The following QTMAN variants were observed in gnomAD, a reference collection of about 807,000 sequenced individuals.
QTMAN encodes queuosine-tRNA mannosyltransferase.
At chr2:144,312,459 C>T in the QTMAN span, among the ~76,000 whole-genome samples, 11 of 152,180 alleles carry the variant, frequency 7.2e-5, no homozygotes, top group South Asian at 4.1e-4. Context: ...ACCACTTGCA[C>T]GACAAAAAAA....
At chr2:144,267,376 T>C in the QTMAN span, among the ~76,000 whole-genome samples, 789 of 152,290 alleles carry the variant, frequency 5.2e-3, 10 homozygotes, top group African/African-American at 0.018. Context: ...AAAGTGCTCA[T>C]GTAGCTGAAA....
At chr2:144,021,482 C>T in the QTMAN span, among the ~76,000 whole-genome samples, 2 of 152,198 alleles carry the variant, frequency 1.3e-5, no homozygotes, top group South Asian at 4.2e-4. Flanking sequence ...GACACAGAAT[C>T]CAGGACATAG....
At chr2:144,208,652 T>C in the QTMAN span, 1 of 1,613,784 alleles carries the variant, frequency 6.2e-7, no homozygotes, top group Non-Finnish European at 8.5e-7. Context: ...AAAGCAGATG[T>C]CCGGGCTCTC....
the QTMAN span, among the ~76,000 whole-genome samples, chr2:143,953,869 TAC>T: frequency 1.2e-4 from 18 of 151,982 alleles, no homozygotes; most frequent in Non-Finnish European, 2.7e-4. Context: ...CTTGTTTATT[TAC>T]AGTGACGAAG....
the QTMAN span, among the ~76,000 whole-genome samples, chr2:143,962,136 T>G: frequency 6.6e-6 from 1 of 152,104 alleles, no homozygotes; most frequent in Non-Finnish European, 1.5e-5. Context: ...ATGGCCCTAT[T>G]ATGGCAGCCA....
At chr2:144,072,825 G>A in the QTMAN span, among the ~76,000 whole-genome samples, 14 of 152,310 alleles carry the variant, frequency 9.2e-5, no homozygotes, top group East Asian at 1.9e-3. Flanking sequence ...GTTTAAAAGA[G>A]TTAAAGACAA....
chr2:143,940,919 C>T, the QTMAN span: 1 of 152,256 alleles, frequency 6.6e-6, no homozygotes, highest in African/African-American at 2.4e-5. Context: ...CATTCCTCTC[C>T]TTATGGTCAT....
the QTMAN span, among the ~76,000 whole-genome samples, chr2:144,168,095 T>G: frequency 6.6e-6 from 1 of 152,144 alleles, no homozygotes; most frequent in Non-Finnish European, 1.5e-5. Context: ...AAAATGACAA[T>G]GGAGACTAAT....
the QTMAN span, among the ~76,000 whole-genome samples, chr2:144,137,774 T>C: frequency 6.6e-6 from 1 of 152,048 alleles, no homozygotes. Context: ...AGAGATCTCA[T>C]CCAGACCTGA....
the QTMAN span, among the ~76,000 whole-genome samples, chr2:144,252,365 C>G: frequency 6.6e-6 from 1 of 152,036 alleles, no homozygotes; most frequent in Non-Finnish European, 1.5e-5. Flanking sequence ...GGTGAAAGAG[C>G]AAGACCCTGT....
At chr2:144,006,523 A>G in the QTMAN span, 1 of 152,152 alleles carries the variant, frequency 6.6e-6, no homozygotes, top group Non-Finnish European at 1.5e-5. Flanking sequence ...GTTCATGCCT[A>G]ATACCAGAAG....
At chr2:144,111,707 C>T in the QTMAN span, among the ~76,000 whole-genome samples, 3 of 152,280 alleles carry the variant, frequency 2.0e-5, no homozygotes, top group South Asian at 6.2e-4. Flanking sequence ...CTCTTTCTTG[C>T]TCTCTCTCCT....
At chr2:143,953,579 C>T in the QTMAN span, among the ~76,000 whole-genome samples, 1 of 151,896 alleles carries the variant, frequency 6.6e-6, no homozygotes, top group African/African-American at 2.4e-5. Flanking sequence ...TTTTTCTTTA[C>T]GTCACAGTAG....
chr2:144,103,028 T>C, the QTMAN span, among the ~76,000 whole-genome samples: 1 of 152,192 alleles, frequency 6.6e-6, no homozygotes, highest in African/African-American at 2.4e-5. Context: ...AGAGTCCTAA[T>C]GATCCTTTGG....
the QTMAN span, among the ~76,000 whole-genome samples, chr2:144,271,356 T>C: frequency 1.3e-5 from 2 of 152,224 alleles, no homozygotes; most frequent in Admixed American, 6.5e-5. Context: ...GCTGCTTTCT[T>C]AATCACTACA....
At chr2:144,110,688 C>CCAA in the QTMAN span, among the ~76,000 whole-genome samples, 1 of 132,904 alleles carries the variant, frequency 7.5e-6, no homozygotes, top group Non-Finnish European at 1.6e-5. Context: ...GACCCCCCCC[C>CCAA]AAAAAAAAAA....
chr2:144,069,274 G>T, the QTMAN span, among the ~76,000 whole-genome samples: 1 of 145,746 alleles, frequency 6.9e-6, no homozygotes, highest in African/African-American at 2.5e-5. Flanking sequence ...TAAATTTGTG[G>T]TCAGTCTTAT....
At chr2:144,007,432 T>C in the QTMAN span, 1 of 1,613,342 alleles carries the variant, frequency 6.2e-7, no homozygotes, top group African/African-American at 1.3e-5. Flanking sequence ...TCTGAATCTC[T>C]CTGCTCTGGC....
the QTMAN span, among the ~76,000 whole-genome samples, chr2:144,092,668 A>C: frequency 6.6e-6 from 1 of 152,188 alleles, no homozygotes; most frequent in African/African-American, 2.4e-5. Context: ...CTAACCATAT[A>C]CTGGGGAAGG....
Sources: allele counts gnomAD v4.1 joint callset (sites outside exome capture counted in the v4.1 genomes callset), GRCh38; gene constraint gnomAD v4.1.1; transcripts MANE v1.5; gene names NCBI Gene and HGNC (gene_info 2026-07-23, HGNC 2026-07-21).